Variants in C8A observed in about 807,000 individuals in gnomAD.
C8A encodes the protein complement component C8 alpha chain.
C8A carries 67 observed loss-of-function variants against 65.3 expected under a neutral mutation model. The observed-to-expected ratio is 1.03, with a 90% CI of 0.84 to 1.26. C8A has a LOEUF of 1.26. Among genes scored for constraint, C8A ranks in the 50% most tolerant of loss-of-function variants. C8A has a pLI of 0.00. For synonymous variants in C8A, 290 were observed against 259.4 expected (o/e 1.12, Z -1.13); for missense variants, 781 against 723.9 (o/e 1.08, Z -0.90).
chr1:56,879,963 A>C (rs1180069372), intron 4 of C8A, among the ~76,000 whole-genome samples: 1 of 152,152 alleles, frequency 6.6e-6, no homozygotes, highest in Non-Finnish European at 1.5e-5. Flanking sequence ...ACAGGTAGTC[A>C]CTGCATCCCT....
chr1:56,887,321 C>T lies in C8A; in HGVS notation c.1096+1154C>T, dbSNP rs12024565. On this transcript the variant is annotated intron_variant, in intron 7 of 10. Coordinates refer to ENST00000361249, the MANE Select transcript of C8A (RefSeq NM_000562.3). ...CTAAACTAATGTACACTCCCACCAA[C>T]GGGGTAAAAGCATTCCTGTTTCTCC... Among the ~76,000 whole-genome samples the T allele has an allele frequency of 3.7e-3, 571 of 152,278 alleles. 3 individuals are homozygous for T. The highest frequency in any genetic ancestry group is 0.013 in the African/African-American group (523 of 41,562).
intron 7 of C8A, among the ~76,000 whole-genome samples, chr1:56,901,970 A>G (rs1403920790): frequency 6.6e-6 from 1 of 152,120 alleles, no homozygotes; most frequent in Non-Finnish European, 1.5e-5. Context: ...TAGCTCTAAC[A>G]CAGTAAAACG....
Position 56,881,600 on chromosome 1 carries a change from G to T in C8A, c.620G>T (p.Arg207Leu), listed in dbSNP as rs1007715803. Residue 207 changes from arginine to leucine, a missense_variant, in exon 5 of 11, where the codon CGG (arginine) becomes CTG (leucine). Arg to Leu is a moderately radical substitution (Grantham distance 102). Transcript: ENST00000361249. Reference protein sequence around the residue: ...LYYGDDEKYFRKPYNFLKYHF... With the variant: ...LYYGDDEKYFLKPYNFLKYHF... ...TATGGAGATGATGAGAAATACTTTCGGAAACCCTACAACTTTCTGAAGTAC... is the reference window on the plus strand; with the variant it reads ...TATGGAGATGATGAGAAATACTTTCTGAAACCCTACAACTTTCTGAAGTAC... 1 of 1,613,586 alleles carries T rather than the reference G, an allele frequency of 6.2e-7. No homozygotes were observed. The highest frequency in any genetic ancestry group is 1.7e-5 in the Admixed American group (1 of 59,990).
chr1:56,886,277 T>C, intron 7 of C8A, 110 bp downstream of exon 7: 3 of 1,285,208 alleles, frequency 2.3e-6, no homozygotes, highest in Non-Finnish European at 3.4e-6. Context: ...ATTTAGTTTT[T>C]AGGACAACTC....
chr1:56,908,190 C>CTTA, intron 9 of C8A, 77 bp downstream of exon 9: 1 of 1,449,522 alleles, frequency 6.9e-7, no homozygotes, highest in Middle Eastern at 2.0e-4. Context: ...TTTCATATTT[C>CTTA]TTATTATGAG....
chr1:56,860,252 T>C (rs1455577992), intron 1 of C8A, among the ~76,000 whole-genome samples: 1 of 152,018 alleles, frequency 6.6e-6, no homozygotes, highest in African/African-American at 2.4e-5. Flanking sequence ...AGCGGAGGGA[T>C]CACCTGTGCT....
chr1:56,881,677 T>G lies in C8A; in HGVS notation c.654+43T>G, dbSNP rs994766547. On this transcript the variant is annotated intron_variant, in intron 5 of 10. Coordinates refer to ENST00000361249, the MANE Select transcript of C8A (RefSeq NM_000562.3). ...GGCTCTGAGGCCACTGTGGTGTAGG[T>G]GGCAGAGAGGCAGAGGCCTATTTGT... 2.5e-6 allele frequency: 4 copies of G among 1,572,228 alleles called. No homozygotes were observed. The Middle Eastern group carries it at 6.7e-4, about 262-fold the overall frequency.
rs542164146 is a variant in C8A at position 56,909,883 on chromosome 1, T to C, written c.1380+1770T>C. On this transcript the variant is annotated intron_variant, in intron 9 of 10. Coordinates refer to ENST00000361249, the MANE Select transcript of C8A (RefSeq NM_000562.3). ...AGCACAATATCTCGAAATTGGCAAA[T>C]GATAGAGTCCAACTCGAGTCATGTT... Among the ~76,000 whole-genome samples, 3 of 152,320 alleles carry C rather than the reference T, an allele frequency of 2.0e-5. No individual in the cohort carries two copies. The East Asian group carries it at 5.8e-4, about 29-fold the overall frequency.
At chr1:56,897,921 A>T (rs964110827) in intron 7 of C8A, among the ~76,000 whole-genome samples, 3 of 152,188 alleles carry the variant, frequency 2.0e-5, no homozygotes, top group African/African-American at 7.2e-5. Flanking sequence ...GGGTGCCAAG[A>T]ATAACATAAT....
At chr1:56,897,702 T>C (rs1233793100) in intron 7 of C8A, among the ~76,000 whole-genome samples, 1 of 152,168 alleles carries the variant, frequency 6.6e-6, no homozygotes, top group Non-Finnish European at 1.5e-5. Flanking sequence ...TATAACTCCC[T>C]TTCAGGAAGA....
chr1:56,902,852 T>C (rs1644436900), intron 7 of C8A, among the ~76,000 whole-genome samples: 1 of 152,212 alleles, frequency 6.6e-6, no homozygotes, highest in African/African-American at 2.4e-5. Context: ...ATAATGTTCA[T>C]TGAAGAAAAT....
chr1:56,905,821 A>C (rs1225060956), intron 7 of C8A, among the ~76,000 whole-genome samples: 2 of 152,240 alleles, frequency 1.3e-5, no homozygotes, highest in African/African-American at 4.8e-5. Flanking sequence ...ACTCTGTAGC[A>C]TGGGCAATAT....
In C8A at chr1:56,876,245, A is replaced by T. The variant is rs769891344; in HGVS notation, c.464+36A>T. On this transcript the variant is annotated intron_variant, in intron 4 of 10. Coordinates refer to ENST00000361249, the MANE Select transcript of C8A (RefSeq NM_000562.3). ...GCCTACTAGCTATTTAGGAGCAGGG[A>T]ATGATTTGTCTTCAATCGTGAGCAT... 1.9e-6 allele frequency: 3 copies of T among 1,612,738 alleles called. No homozygotes were observed. The East Asian group carries it at 6.7e-5, about 36-fold the overall frequency.
At chr1:56,890,243 GC>G (rs1644334207) in intron 7 of C8A, among the ~76,000 whole-genome samples, 1 of 151,974 alleles carries the variant, frequency 6.6e-6, no homozygotes. Context: ...ACAAACTTCA[GC>G]TCATCCTTCT....
At chr1:56,916,013 T>G (rs1644548352) in intron 10 of C8A, among the ~76,000 whole-genome samples, 1 of 152,086 alleles carries the variant, frequency 6.6e-6, no homozygotes, top group African/African-American at 2.4e-5. Context: ...AACCAGTGAC[T>G]TGCTAGGATC....
At position 56,917,877 on chromosome 1, in the gene C8A, C is replaced by A; in HGVS notation, c.*161C>A. 1 of 753,102 alleles carries A rather than the reference C, an allele frequency of 1.3e-6. No homozygotes were observed. Among genetic ancestry groups the A allele is most frequent in the Non-Finnish European group, 2.2e-6 (1 of 459,006 alleles). The allele number at this position is 753,102 out of a possible 1,614,324, so 46.7% of individuals were successfully genotyped here. On this transcript the variant is annotated 3_prime_UTR_variant, in exon 11 of 11. Transcript: ENST00000361249. ...AAGACTAGGTTTTGCTGTCTACAGC[C>A]AACTATTCTATTAGTTACAAAACTC...
In C8A at chr1:56,883,340, T is replaced by C; in HGVS notation, c.655-141T>C. ...TATATTTTAATAAGTATCAGTCTAA[T>C]GACTGGATTGCCTTATAAAAGAATT... On this transcript the variant is annotated intron_variant, in intron 5 of 10. Coordinates refer to ENST00000361249, the MANE Select transcript of C8A (RefSeq NM_000562.3). 7.0e-6 allele frequency: 5 copies of C among 709,508 alleles called. No homozygotes were observed. The South Asian group carries it at 8.5e-5, about 12-fold the overall frequency. The allele number at this position is 709,508 out of a possible 1,614,324, so 44.0% of individuals were successfully genotyped here.
intron 10 of C8A, among the ~76,000 whole-genome samples, chr1:56,915,518 G>T (rs1644543888): frequency 6.6e-6 from 1 of 152,202 alleles, no homozygotes; most frequent in South Asian, 2.1e-4. Flanking sequence ...GTATGGACTG[G>T]GTTGTAGCCG....
chr1:56,894,649 A>G (rs1189262197), intron 7 of C8A, among the ~76,000 whole-genome samples: 1 of 152,132 alleles, frequency 6.6e-6, no homozygotes, highest in African/African-American at 2.4e-5. Flanking sequence ...GTTAATGCCA[A>G]TTATAGCTCT....
Sources: allele counts gnomAD v4.1 joint callset (sites outside exome capture counted in the v4.1 genomes callset), GRCh38; gene constraint gnomAD v4.1.1; transcripts MANE v1.5; gene names NCBI Gene and HGNC (gene_info 2026-07-23, HGNC 2026-07-21).